RHOBTB1: variants seen among roughly 807,000 people sequenced by gnomAD.
RHOBTB1 encodes the protein rho-related BTB domain-containing protein 1.
Under a neutral mutation model 71.6 loss-of-function variants are expected in RHOBTB1, and 40 were observed. The observed-to-expected ratio is 0.56, with a 90% CI of 0.43 to 0.73. The LOEUF is 0.73. Among genes scored for constraint, RHOBTB1 ranks in the 30% least tolerant of loss-of-function variants. The pLI is 0.00. For missense variants in RHOBTB1, 797 were observed against 894.0 expected (o/e 0.89, Z 1.38); for synonymous variants, 319 against 334.9 (o/e 0.95, Z 0.52).
chr10:60,990,278 C>T lies in RHOBTB1; in HGVS notation c.-162-4333G>A, dbSNP rs375927989. 1.0e-3 allele frequency among the ~76,000 whole-genome samples: 157 copies of T among 152,232 alleles called. 1 individual carries two copies. The highest frequency in any genetic ancestry group is 2.9e-3 in the African/African-American group (120 of 41,548). On this transcript the variant is annotated intron_variant, in intron 1 of 11. Coordinates refer to the RHOBTB1 transcript ENST00000357917. Reference sequence around the variant, plus strand: ...GATTACAGGCGTCAGCCACCGTGCCCGGCCAACCTCAGACTGTTCTATGCC... The same window carrying T: ...GATTACAGGCGTCAGCCACCGTGCCTGGCCAACCTCAGACTGTTCTATGCC...
chr10:60,862,925 TTTC>T, the RHOBTB1 span, among the ~76,000 whole-genome samples: 1 of 145,252 alleles, frequency 6.9e-6, no homozygotes, highest in African/African-American at 2.5e-5. Flanking sequence ...TCTTTTCTTC[TTTC>T]TTCTTTTGTC....
At chr10:60,920,034 T>G (rs1012737705) in intron 2 of RHOBTB1, among the ~76,000 whole-genome samples, 1 of 152,196 alleles carries the variant, frequency 6.6e-6, no homozygotes, top group African/African-American at 2.4e-5. Context: ...TTCAGACACA[T>G]GGGTCTACTT....
upstream of RHOBTB1, among the ~76,000 whole-genome samples, chr10:60,944,532 G>A (rs2085131541): frequency 6.6e-6 from 1 of 152,086 alleles, no homozygotes; most frequent in African/African-American, 2.4e-5. Flanking sequence ...CCGCGCTGCC[G>A]GGAGGGGAGA....
intron 4 of RHOBTB1, among the ~76,000 whole-genome samples, chr10:60,895,208 C>G (rs1387680116): frequency 6.6e-6 from 1 of 152,118 alleles, no homozygotes; most frequent in Admixed American, 6.5e-5. Flanking sequence ...AATATTTCAC[C>G]TCAAAATAAT....
intron 7 of RHOBTB1, among the ~76,000 whole-genome samples, chr10:60,883,657 C>A (rs2132485917): frequency 6.6e-6 from 1 of 152,272 alleles, no homozygotes; most frequent in Admixed American, 6.5e-5. Context: ...AAATTGGTGG[C>A]TACCCTAGCT....
intron 2 of RHOBTB1, 140 bp from the exon 3 acceptor site, chr10:60,911,692 T>C (rs1353163366): frequency 2.8e-6 from 2 of 702,408 alleles, no homozygotes; most frequent in Non-Finnish European, 4.9e-6. Flanking sequence ...TGTTTGGAAG[T>C]TCGTACTAAG....
rs1160924462 is a variant in RHOBTB1 at position 60,888,252 on chromosome 10, G to A, written c.1416C>T (p.Ala472=). 6.2e-7 allele frequency: 1 copy of A among 1,613,894 alleles called. No individual in the cohort carries two copies. The highest frequency in any genetic ancestry group is 8.5e-7 in the Non-Finnish European group (1 of 1,179,956). ...EITKAFHVRK[A]NRIKECLSKG... The stretch of plus-strand genomic sequence containing the variant: ...TGCTGAGACACTCTTTTATCCGATT[G>A]GCTTTCCTTACGTGAAAGGCTTTCG... The change falls in exon 6 of 11, where the codon GCC becomes GCT. Residue 472 remains alanine, a synonymous_variant. Transcript: ENST00000337910.
At chr10:60,882,846 C>G (rs979310683) in intron 7 of RHOBTB1, among the ~76,000 whole-genome samples, 1 of 152,102 alleles carries the variant, frequency 6.6e-6, no homozygotes, top group African/African-American at 2.4e-5. Flanking sequence ...GGACAAATAC[C>G]CTTAACCCCG....
chr10:60,982,988 TCGAC>T lies in RHOBTB1; in HGVS notation c.-62+2853_-62+2856del, dbSNP rs2086552837. 2.6e-5 allele frequency among the ~76,000 whole-genome samples: 4 copies of T among 152,120 alleles called. No individual in the cohort carries two copies. In the South Asian group the frequency reaches 8.3e-4, roughly 32 times the overall value. ...CTTTTATTGTTCCATGGTCTTTTAATCGACAGATTAATTCCATTTTAACTGGAAT... is the reference window on the plus strand; with the variant it reads ...CTTTTATTGTTCCATGGTCTTTTAATAGATTAATTCCATTTTAACTGGAAT... On this transcript the variant is annotated intron_variant, in intron 2 of 11. Coordinates refer to the RHOBTB1 transcript ENST00000357917.
At chr10:60,959,243 G>C (rs2085700406) in intron 2 of RHOBTB1, among the ~76,000 whole-genome samples, 1 of 152,172 alleles carries the variant, frequency 6.6e-6, no homozygotes, top group African/African-American at 2.4e-5. Flanking sequence ...TTGCTGCTTA[G>C]ACTGAAAGGT....
chr10:60,871,920 G>A lies in RHOBTB1; in HGVS notation c.1921+265C>T, dbSNP rs1029494337. The A allele has an allele frequency of 3.3e-5, 20 of 603,868 alleles. No individual in the cohort carries two copies. The African/African-American group carries it at 3.7e-4, about 11-fold the overall frequency. 37.4% of individuals were successfully genotyped at this position (603,868 alleles called of 1,614,324 possible). On this transcript the variant is annotated intron_variant, in intron 10 of 10. Transcript: ENST00000337910. Reference sequence around the variant, plus strand: ...TCCTAAGCTTGTCTCCCTAAACAAGGGGAAGGCCACCACCTCTGCACTCTC... The same window carrying A: ...TCCTAAGCTTGTCTCCCTAAACAAGAGGAAGGCCACCACCTCTGCACTCTC...
intron 2 of RHOBTB1, among the ~76,000 whole-genome samples, chr10:60,950,713 A>G (rs2085380798): frequency 6.6e-6 from 1 of 152,220 alleles, no homozygotes; most frequent in Non-Finnish European, 1.5e-5. Flanking sequence ...AAAGCTCTAT[A>G]CCTACTCATA....
chr10:60,953,543 G>T (rs2134420659), intron 2 of RHOBTB1, among the ~76,000 whole-genome samples: 1 of 152,268 alleles, frequency 6.6e-6, no homozygotes, highest in Middle Eastern at 3.4e-3. Flanking sequence ...AATAACAGAG[G>T]TGATATGCCA....
chr10:60,952,065 CA>C (rs2085430214), intron 2 of RHOBTB1, among the ~76,000 whole-genome samples: 1 of 151,300 alleles, frequency 6.6e-6, no homozygotes, highest in Non-Finnish European at 1.5e-5. Context: ...CACAGCCCCC[CA>C]CCCCCCCAAA....
intron 7 of RHOBTB1, among the ~76,000 whole-genome samples, chr10:60,884,365 CAATA>C (rs1225614654): frequency 6.6e-6 from 1 of 152,156 alleles, no homozygotes; most frequent in Non-Finnish European, 1.5e-5. Context: ...CCTCTTAGGA[CAATA>C]AACTGGGTGG....
Position 60,877,917 on chromosome 10 carries a change from C to T in RHOBTB1, c.1717G>A (p.Ala573Thr). The change falls in exon 8 of 11, where the codon GCA becomes ACA. Residue 573 changes from alanine to threonine, a missense_variant. Around this residue, in one of 2 missense-constraint regions of RHOBTB1, gnomAD observed 658 missense variants for 681.5 expected, o/e 0.97. Coordinates refer to ENST00000337910, the MANE Select transcript of RHOBTB1 (RefSeq NM_014836.5). Reference protein sequence around the residue: ...ANRFCLPHLVALAEQHAVQEL... With the variant: ...ANRFCLPHLVTLAEQHAVQEL... ...GAGTCATCATCCTTACCTGCAAGTG[C>T]AACCAAGTGTGGCAGGCAAAATCTG... The T allele has an allele frequency of 6.2e-7, 1 of 1,613,510 alleles. No individual in the cohort carries two copies. Among genetic ancestry groups the T allele is most frequent in the East Asian group, 2.2e-5 (1 of 44,876 alleles).
intron 8 of RHOBTB1, 101 bp from the exon 9 acceptor site, chr10:60,875,143 T>C (rs2080990840): frequency 2.5e-6 from 2 of 797,316 alleles, no homozygotes; most frequent in African/African-American, 3.4e-5. Flanking sequence ...AGGGAGGAAA[T>C]GTGGGACACA....
intron 4 of RHOBTB1, among the ~76,000 whole-genome samples, chr10:60,900,132 T>C (rs2082346572): frequency 1.3e-5 from 2 of 152,196 alleles, no homozygotes; most frequent in Admixed American, 6.5e-5. Flanking sequence ...AACGTAGTGA[T>C]ATAATTTATG....
intron 4 of RHOBTB1, among the ~76,000 whole-genome samples, chr10:60,909,111 A>G (rs1272562851): frequency 6.6e-6 from 1 of 152,204 alleles, no homozygotes; most frequent in Non-Finnish European, 1.5e-5. Context: ...GGCATGTTGT[A>G]TTGTAAAATG....
Sources: allele counts gnomAD v4.1 joint callset (sites outside exome capture counted in the v4.1 genomes callset), GRCh38; gene constraint gnomAD v4.1.1; regional missense constraint gnomAD v4.1.1; transcripts MANE v1.5; gene names NCBI Gene and HGNC (gene_info 2026-07-23, HGNC 2026-07-21).